ITGA2: variants seen among roughly 807,000 people sequenced by gnomAD.
ITGA2 encodes integrin subunit alpha 2, also known as integrin alpha-2.
A neutral mutation model predicts 146.3 loss-of-function variants in ITGA2; 101 were observed. The ratio of observed to expected loss-of-function variants is 0.69; its 90% CI spans 0.59 to 0.81. ITGA2 has a LOEUF of 0.81. ITGA2 is among the 40% of genes least tolerant of loss of function. The pLI, the probability that ITGA2 is intolerant of heterozygous loss-of-function variation, is 0.00. For synonymous variants in ITGA2, 477 were observed against 487.1 expected (o/e 0.98, Z 0.27); for missense variants, 1,281 against 1,402.7 (o/e 0.91, Z 1.39).
At chr5:52,995,794 C>T (rs762260117) in intron 1 of ITGA2, among the ~76,000 whole-genome samples, 1 of 152,100 alleles carries the variant, frequency 6.6e-6, no homozygotes, top group South Asian at 2.1e-4. Context: ...AGGACATTAA[C>T]AAGATGAGTC....
chr5:53,015,213 AC>A (rs1742344025), intron 1 of ITGA2, among the ~76,000 whole-genome samples: 1 of 152,024 alleles, frequency 6.6e-6, no homozygotes, highest in South Asian at 2.1e-4. Context: ...GATCTTTCTA[AC>A]TTTTTCATGT....
At position 53,059,922 on chromosome 5, in the gene ITGA2, A is replaced by C; in HGVS notation, c.1222A>C (p.Ile408Leu). The change falls in exon 11 of 30, where the codon ATT (isoleucine) becomes CTT (leucine). Residue 408 changes from isoleucine (I) to leucine (L), a missense_variant. By Grantham distance (5) the Ile-to-Leu change is conservative. Around this residue, in one of 3 missense-constraint regions of ITGA2, gnomAD observed 795 missense variants for 841.7 expected, o/e 0.94. Coordinates refer to ENST00000296585, the MANE Select transcript of ITGA2 (RefSeq NM_002203.4). ...AVGAFGWSGT[I>L]VQKTSHGHLI... ...GGGAGCTTTTGGCTGGAGTGGGACC[A>C]TTGTCCAGAAGACATCTCATGGCCA... 6.2e-7 allele frequency: 1 copy of C among 1,612,308 alleles called. No individual in the cohort carries two copies. Among genetic ancestry groups the C allele is most frequent in the Non-Finnish European group, 8.5e-7 (1 of 1,178,948 alleles).
intron 10 of ITGA2, among the ~76,000 whole-genome samples, chr5:53,059,400 C>T (rs1744798524): frequency 6.6e-6 from 1 of 151,888 alleles, no homozygotes; most frequent in Non-Finnish European, 1.5e-5. Context: ...CAGAAGAGGG[C>T]CTCCCGAGCC....
chr5:53,059,889 G>C lies in ITGA2; in HGVS notation c.1189G>C (p.Gly397Arg). 6.2e-7 allele frequency: 1 copy of C among 1,612,076 alleles called. No homozygotes were observed. Among genetic ancestry groups the C allele is most frequent in the Non-Finnish European group, 8.5e-7 (1 of 1,178,828 alleles). The part of the protein sequence containing the change: ...YSSQNDILML[G>R]AVGAFGWSGT... ...ATTATTTTAGGATATTCTGATGCTGGGTGCAGTGGGAGCTTTTGGCTGGAG... is the reference window on the plus strand; with the variant it reads ...ATTATTTTAGGATATTCTGATGCTGCGTGCAGTGGGAGCTTTTGGCTGGAG... The change falls in exon 11 of 30, where the codon GGT becomes CGT. Residue 397 changes from glycine to arginine, a missense_variant. Around this residue, in one of 3 missense-constraint regions of ITGA2, gnomAD observed 795 missense variants for 841.7 expected, o/e 0.94. Transcript: ENST00000296585.
intron 1 of ITGA2, among the ~76,000 whole-genome samples, chr5:53,000,351 T>C (rs1741502599): frequency 6.6e-6 from 1 of 152,182 alleles, no homozygotes; most frequent in African/African-American, 2.4e-5. Context: ...ATTACATTGA[T>C]TGATATTAAA....
At chr5:53,083,242 TC>T in intron 26 of ITGA2, 97 bp from the exon 27 acceptor site, 3 of 750,726 alleles carry the variant, frequency 4.0e-6, no homozygotes, top group South Asian at 1.5e-5. Context: ...CCTAGGTGTG[TC>T]CCAGCACTGA....
At chr5:52,989,614 C>G in intron 1 of ITGA2, 82 bp downstream of exon 1, 2 of 1,477,382 alleles carry the variant, frequency 1.4e-6, no homozygotes, top group African/African-American at 1.4e-5. Flanking sequence ...TTGGGCGGAA[C>G]TAGGGAGCGA....
chr5:53,094,395 TAA>T lies in ITGA2; in HGVS notation c.*3797_*3798del, dbSNP rs1004311417. On this transcript the variant is annotated 3_prime_UTR_variant, in exon 30 of 30. Transcript: ENST00000296585. ...TATGTACCTGTTTATTTTGGCAGAT[TAA>T]GTCAAAATATGAATGTATATATTGC... 4 of 152,200 alleles carry T rather than the reference TAA, an allele frequency of 2.6e-5. No individual in the cohort carries two copies. Among genetic ancestry groups the T allele is most frequent in the African/African-American group, 9.6e-5 (4 of 41,464 alleles). The allele number at this position is 152,200 out of a possible 1,614,324, so 9.4% of individuals were successfully genotyped here.
chr5:53,029,099 C>G (rs1308656483), intron 2 of ITGA2, among the ~76,000 whole-genome samples: 1 of 152,136 alleles, frequency 6.6e-6, no homozygotes, highest in East Asian at 1.9e-4. Context: ...TGGCGAAACC[C>G]CATCTCTACT....
chr5:53,069,773 T>C (rs1280184951), intron 16 of ITGA2, among the ~76,000 whole-genome samples: 1 of 151,900 alleles, frequency 6.6e-6, no homozygotes, highest in African/African-American at 2.4e-5. Flanking sequence ...TGTCTCCGTG[T>C]TATGAGTAAT....
intron 1 of ITGA2, among the ~76,000 whole-genome samples, chr5:53,008,124 A>G (rs932565336): frequency 1.4e-4 from 21 of 151,896 alleles, no homozygotes; most frequent in African/African-American, 5.1e-4. Flanking sequence ...TAGGTGGCTT[A>G]AACAAGAGAG....
intron 4 of ITGA2, among the ~76,000 whole-genome samples, 181 bp from the exon 5 acceptor site, chr5:53,048,182 A>G (rs1744184170): frequency 6.6e-6 from 1 of 152,186 alleles, no homozygotes; most frequent in Non-Finnish European, 1.5e-5. Flanking sequence ...GGCACAGAGC[A>G]CCTGCCACCT....
chr5:53,035,604 A>G (rs1428039557), intron 2 of ITGA2, among the ~76,000 whole-genome samples: 1 of 152,156 alleles, frequency 6.6e-6, no homozygotes, highest in Non-Finnish European at 1.5e-5. Flanking sequence ...AGTATTTCCA[A>G]ATAAAACCTA....
intron 4 of ITGA2, 70 bp downstream of exon 4, chr5:53,045,162 C>G (rs1044239754): frequency 8.0e-6 from 9 of 1,130,786 alleles, no homozygotes; most frequent in Non-Finnish European, 1.2e-5. Context: ...TTCTCACCAT[C>G]CCTCCCAATC....
intron 1 of ITGA2, among the ~76,000 whole-genome samples, chr5:53,026,456 T>C (rs571323012): frequency 1.1e-4 from 16 of 152,196 alleles, no homozygotes; most frequent in Admixed American, 9.8e-4. Flanking sequence ...TGAGATATAC[T>C]TGTCCCCTGG....
At chr5:53,045,974 TGTG>T (rs1445462550) in intron 4 of ITGA2, among the ~76,000 whole-genome samples, 2 of 151,738 alleles carry the variant, frequency 1.3e-5, no homozygotes, top group Non-Finnish European at 2.9e-5. Flanking sequence ...GTGGATCACA[TGTG>T]GTCAGGATTT....
rs1475718262 is a variant in ITGA2, at chr5:53,091,693, AAGTCATCT to A, written c.*1095_*1102del. The A allele has an allele frequency of 3.3e-5, 5 of 152,214 alleles. No homozygotes were observed. Among genetic ancestry groups the A allele is most frequent in the African/African-American group, 7.2e-5 (3 of 41,444 alleles). The allele number at this position is 152,214 out of a possible 1,614,324, so 9.4% of individuals were successfully genotyped here. Reference sequence around the variant, plus strand: ...GCTGTGCATTAGATATTAGGGGGGAAAGTCATCTGTTTAATTTACACACTTGCATGAAT... The same window carrying A: ...GCTGTGCATTAGATATTAGGGGGGAAGTTTAATTTACACACTTGCATGAAT... On this transcript the variant is annotated 3_prime_UTR_variant, in exon 30 of 30. Transcript: ENST00000296585.
chr5:53,007,960 A>G (rs1741939032), intron 1 of ITGA2, among the ~76,000 whole-genome samples: 1 of 152,192 alleles, frequency 6.6e-6, no homozygotes, highest in Non-Finnish European at 1.5e-5. Context: ...TACAACTGGA[A>G]TTATTGTATA....
In ITGA2 at chr5:53,093,482, G is replaced by GTATGTTTAGC. The variant is rs1554026274; in HGVS notation, c.*2884_*2893dup. On this transcript the variant is annotated 3_prime_UTR_variant, in exon 30 of 30. Coordinates refer to ENST00000296585, the MANE Select transcript of ITGA2 (RefSeq NM_002203.4). The stretch of plus-strand genomic sequence containing the variant: ...TAGGACAGCAGCCCTGTCCTAGAAG[G>GTATGTTTAGC]TATGTTTAGCAGCATTCCTGGCCTC... 1 of 10,902 alleles carries GTATGTTTAGC rather than the reference G, an allele frequency of 9.2e-5. No homozygotes were observed. Among genetic ancestry groups the GTATGTTTAGC allele is most frequent in the South Asian group, 2.8e-3 (1 of 362 alleles). The allele number at this position is 10,902 out of a possible 1,614,324, so 0.7% of individuals were successfully genotyped here. A position where few individuals can be genotyped will look rare whatever the true frequency, so the allele number is the denominator to read the frequency against.
Sources: gnomAD v4.1 joint callset for allele counts (sites outside exome capture counted in the v4.1 genomes callset) on GRCh38, gnomAD v4.1.1 for gene constraint, gnomAD v4.1.1 regional missense constraint, MANE v1.5 for transcripts, NCBI Gene and HGNC (gene_info 2026-07-23, HGNC 2026-07-21) for gene names.